The following CCDC192 variants were observed in gnomAD, a reference collection of about 807,000 sequenced individuals.
CCDC192 encodes coiled-coil domain-containing protein 192.
chr5:127,846,911 C>T (rs562872665), intron 5 of CCDC192, among the ~76,000 whole-genome samples: 7 of 149,512 alleles, frequency 4.7e-5, no homozygotes, highest in African/African-American at 1.7e-4. Flanking sequence ...CACATTCTGT[C>T]AATTCTACCT....
intron 3 of CCDC192, among the ~76,000 whole-genome samples, chr5:127,787,795 C>A (rs1756634325): frequency 6.6e-6 from 1 of 152,016 alleles, no homozygotes; most frequent in Non-Finnish European, 1.5e-5. Flanking sequence ...TCTTGTTTTT[C>A]TGTGTAGATA....
At chr5:127,899,561 CAAA>C (rs10537626) in intron 6 of CCDC192, among the ~76,000 whole-genome samples, 226 of 137,380 alleles carry the variant, frequency 1.6e-3, no homozygotes, top group South Asian at 7.2e-3. Context: ...CACACTGCAC[CAAA>C]AAAAAAAAAA....
At chr5:127,831,142 A>C (rs1749776267) in intron 5 of CCDC192, among the ~76,000 whole-genome samples, 1 of 152,190 alleles carries the variant, frequency 6.6e-6, no homozygotes, top group African/African-American at 2.4e-5. Context: ...TTAGGAGGTT[A>C]AGCCCTAAAA....
chr5:127,706,697 A>C (rs768441984), intron 1 of CCDC192, among the ~76,000 whole-genome samples: 3 of 152,138 alleles, frequency 2.0e-5, no homozygotes, highest in Non-Finnish European at 4.4e-5. Flanking sequence ...ACAACAGAAA[A>C]AATTTCCTGT....
intron 5 of CCDC192, among the ~76,000 whole-genome samples, chr5:127,800,967 A>T (rs1428230793): frequency 6.6e-6 from 1 of 152,090 alleles, no homozygotes; most frequent in African/African-American, 2.4e-5. Context: ...GTGAATTCAG[A>T]GCCCCCCACA....
chr5:127,731,384 A>G (rs768580295), intron 2 of CCDC192, among the ~76,000 whole-genome samples: 4 of 152,164 alleles, frequency 2.6e-5, no homozygotes, highest in Non-Finnish European at 5.9e-5. Context: ...ACAAATGGAA[A>G]AACATTCCAT....
Position 127,703,514 on chromosome 5 carries a change from T to C in CCDC192, c.62+7T>C. 1 of 398,882 alleles carries C rather than the reference T, an allele frequency of 2.5e-6. No individual in the cohort carries two copies. The highest frequency in any genetic ancestry group is 4.4e-6 in the Non-Finnish European group (1 of 225,992). The allele number at this position is 398,882 out of a possible 1,614,324, so 24.7% of individuals were successfully genotyped here. ...ACACCTCAGAGAGAAGCAGGTGAGT[T>C]CCCAGCTCCTCTCATCCCAAAATAA... is the stretch of plus-strand genomic sequence containing the variant. On this transcript the variant is annotated splice_region_variant and intron_variant, in intron 1 of 6. Transcript: ENST00000514853.
At chr5:127,788,022 T>C (rs1756650626) in intron 3 of CCDC192, among the ~76,000 whole-genome samples, 1 of 137,460 alleles carries the variant, frequency 7.3e-6, no homozygotes. Context: ...GTGGAGGTTA[T>C]AGTGAGCCAA....
At chr5:127,775,235 C>A (rs529829927) in intron 3 of CCDC192, among the ~76,000 whole-genome samples, 14 of 152,236 alleles carry the variant, frequency 9.2e-5, no homozygotes, top group African/African-American at 3.1e-4. Flanking sequence ...AAGCCCACAC[C>A]CCCATTACCT....
intron 3 of CCDC192, among the ~76,000 whole-genome samples, chr5:127,787,403 C>T (rs1043911640): frequency 4.6e-5 from 7 of 152,300 alleles, no homozygotes; most frequent in Admixed American, 2.0e-4. Flanking sequence ...GCCGCCACCT[C>T]GTCCCATAAG....
chr5:127,725,307 AT>A (rs1437234966), intron 2 of CCDC192, among the ~76,000 whole-genome samples: 2 of 152,186 alleles, frequency 1.3e-5, no homozygotes, highest in Non-Finnish European at 2.9e-5. Flanking sequence ...TGATCTAAAG[AT>A]TCATAGTCTA....
intron 6 of CCDC192, among the ~76,000 whole-genome samples, chr5:127,907,827 T>C (rs1258482413): frequency 6.7e-6 from 1 of 149,510 alleles, no homozygotes; most frequent in Non-Finnish European, 1.5e-5. Context: ...CAAAAATCTT[T>C]AGCCGGTTTG....
intron 6 of CCDC192, among the ~76,000 whole-genome samples, chr5:127,908,851 G>T (rs909072351): frequency 6.6e-6 from 1 of 152,114 alleles, no homozygotes; most frequent in Non-Finnish European, 1.5e-5. Context: ...GGAAATAATG[G>T]TTGTGAAAAT....
At position 127,707,753 on chromosome 5, in the gene CCDC192, A is replaced by C; in HGVS notation, c.107A>C (p.Lys36Thr). 2 of 398,692 alleles carry C rather than the reference A, an allele frequency of 5.0e-6. No individual in the cohort carries two copies. Among genetic ancestry groups the C allele is most frequent in the Non-Finnish European group, 8.9e-6 (2 of 225,856 alleles). 24.7% of individuals were successfully genotyped at this position (398,692 alleles called of 1,614,324 possible). ...SSESDIPQEN[K>T]VSKASLDTGQ... Reference sequence around the variant, plus strand: ...GAGTCAGATATACCACAAGAAAACAAAGTATCGGTAAGAAATGAAGTTTGT... The same window carrying C: ...GAGTCAGATATACCACAAGAAAACACAGTATCGGTAAGAAATGAAGTTTGT... The change falls in exon 2 of 7, where the codon AAA becomes ACA. Residue 36 changes from lysine to threonine, a missense_variant. Lys to Thr is a moderately conservative substitution (Grantham distance 78). Coordinates refer to ENST00000514853, the MANE Select transcript of CCDC192 (RefSeq NM_001317938.2).
At chr5:127,755,785 G>T (rs1264692650) in intron 3 of CCDC192, among the ~76,000 whole-genome samples, 1 of 116,606 alleles carries the variant, frequency 8.6e-6, no homozygotes, top group Non-Finnish European at 1.7e-5. Context: ...ACACTAAGAA[G>T]GTATATAGGA....
At chr5:127,908,907 T>C (rs1753270611) in intron 6 of CCDC192, among the ~76,000 whole-genome samples, 1 of 152,200 alleles carries the variant, frequency 6.6e-6, no homozygotes, top group South Asian at 2.1e-4. Flanking sequence ...CTCAAAATCA[T>C]ATCTTCATAG....
intron 3 of CCDC192, among the ~76,000 whole-genome samples, chr5:127,762,773 G>A (rs912943454): frequency 1.3e-5 from 2 of 152,158 alleles, no homozygotes; most frequent in African/African-American, 4.8e-5. Context: ...GTGTCTTTGT[G>A]TATGGGCTTA....
At chr5:127,828,486 A>G (rs1749638270) in intron 5 of CCDC192, among the ~76,000 whole-genome samples, 1 of 152,206 alleles carries the variant, frequency 6.6e-6, no homozygotes, top group Non-Finnish European at 1.5e-5. Flanking sequence ...CTTAGTCATC[A>G]TCTGTTATGA....
At chr5:127,704,634 A>G (rs1215517298) in intron 1 of CCDC192, among the ~76,000 whole-genome samples, 2 of 152,278 alleles carry the variant, frequency 1.3e-5, no homozygotes, top group East Asian at 1.9e-4. Flanking sequence ...TTATTTGTGC[A>G]AAGGATTCCA....
Sources: allele counts gnomAD v4.1 joint callset (sites outside exome capture counted in the v4.1 genomes callset), GRCh38; gene constraint gnomAD v4.1.1; transcripts MANE v1.5; gene names NCBI Gene and HGNC (gene_info 2026-07-23, HGNC 2026-07-21).